The following CELF2 variants were observed in gnomAD, a reference collection of about 807,000 sequenced individuals.
CELF2 encodes the protein CUG triplet repeat RNA-binding protein 2.
In CELF2, 8 loss-of-function variants were observed where a neutral mutation model predicts 62.6. That is an observed-to-expected ratio of 0.13 (90% CI 0.07 to 0.23). The LOEUF is 0.23. Ranked by LOEUF, CELF2 falls within the 10% of genes least tolerant of loss-of-function variation. The pLI is 1.00. For synonymous variants in CELF2, 258 were observed against 250.0 expected, an observed-to-expected ratio of 1.03 and a Z score of -0.30; for missense variants, 333 against 671.0, an observed-to-expected ratio of 0.50 and a Z score of 5.56.
the CELF2 span, among the ~76,000 whole-genome samples, chr10:10,676,875 C>T: frequency 6.6e-6 from 1 of 152,170 alleles, no homozygotes. Context: ...ACAGACAGTA[C>T]TTTTAGACTC....
the CELF2 span, among the ~76,000 whole-genome samples, chr10:10,742,802 C>T: frequency 2.4e-4 from 36 of 152,108 alleles, no homozygotes; most frequent in Non-Finnish European, 4.1e-4. Context: ...CTAGTTAGGA[C>T]CTTGTACCTC....
chr10:11,329,164 CAA>C lies in CELF2; in HGVS notation c.*112_*113del, dbSNP rs995312526. 3.5e-6 allele frequency: 4 copies of C among 1,158,492 alleles called. No homozygotes were observed. In the African/African-American group the frequency reaches 4.7e-5, roughly 14 times the overall value. The allele number at this position is 1,158,492 out of a possible 1,614,324, so 71.8% of individuals were successfully genotyped here. A position where few individuals can be genotyped will look rare whatever the true frequency, so the allele number is the denominator to read the frequency against. ...GGAGGACCACATTGCCAACTTTTACCAAGAGAGACGGTTATTTTTACAATAAG... is the reference window on the plus strand; with the variant it reads ...GGAGGACCACATTGCCAACTTTTACCGAGAGACGGTTATTTTTACAATAAG... On this transcript the variant is annotated 3_prime_UTR_variant, in exon 13 of 13. Coordinates refer to ENST00000633077, the MANE Select transcript of CELF2 (RefSeq NM_001326342.2). The surrounding 1 kb of genome is among the most constrained non-coding windows in gnomAD (Gnocchi z 5.5).
intron 2 of CELF2, among the ~76,000 whole-genome samples, chr10:10,996,432 T>C (rs2053959730): frequency 1.3e-5 from 2 of 152,246 alleles, no homozygotes; most frequent in South Asian, 4.1e-4. Context: ...GGTCTTCCTC[T>C]GTCCCCGCCT....
the CELF2 span, among the ~76,000 whole-genome samples, chr10:10,538,716 G>A: frequency 1.3e-5 from 2 of 152,134 alleles, no homozygotes; most frequent in African/African-American, 4.8e-5. Flanking sequence ...GAACCATTAT[G>A]AGCATGGAGA....
At chr10:11,299,965 G>C (rs534816209) in intron 9 of CELF2, among the ~76,000 whole-genome samples, 2 of 152,150 alleles carry the variant, frequency 1.3e-5, no homozygotes, top group African/African-American at 4.8e-5. Context: ...CATTTGCCCC[G>C]CTCGTAGGAG....
chr10:10,536,704 G>A, the CELF2 span, among the ~76,000 whole-genome samples: 1 of 152,298 alleles, frequency 6.6e-6, no homozygotes, highest in East Asian at 1.9e-4. Context: ...TGCCGACAGG[G>A]ACAGAAAAAC....
intron 1 of CELF2, among the ~76,000 whole-genome samples, chr10:11,061,667 T>G (rs1450555824): frequency 6.6e-6 from 1 of 152,212 alleles, no homozygotes; most frequent in Non-Finnish European, 1.5e-5. Flanking sequence ...CTGGTGACTT[T>G]CAGTTAAGCC....
the CELF2 span, among the ~76,000 whole-genome samples, chr10:10,531,439 A>T: frequency 2.0e-5 from 3 of 152,238 alleles, no homozygotes; most frequent in Non-Finnish European, 4.4e-5. Context: ...ATTTTATTAA[A>T]TCGTTCATAG....
chr10:10,657,075 A>T, the CELF2 span, among the ~76,000 whole-genome samples: 1 of 152,178 alleles, frequency 6.6e-6, no homozygotes, highest in African/African-American at 2.4e-5. Flanking sequence ...ATGGCAGAAT[A>T]TTATTCAGCA....
At chr10:10,550,598 T>A in the CELF2 span, among the ~76,000 whole-genome samples, 1 of 152,174 alleles carries the variant, frequency 6.6e-6, no homozygotes, top group Non-Finnish European at 1.5e-5. Context: ...TCTGATTGGA[T>A]CTTGCAATGA....
chr10:11,019,096 G>T (rs893348975), intron 1 of CELF2, among the ~76,000 whole-genome samples: 1 of 152,188 alleles, frequency 6.6e-6, no homozygotes, highest in African/African-American at 2.4e-5. Context: ...CTGAAGAAAG[G>T]AAAGTATGTC....
chr10:10,491,581 T>C, the CELF2 span, among the ~76,000 whole-genome samples: 4 of 152,212 alleles, frequency 2.6e-5, no homozygotes, highest in Non-Finnish European at 4.4e-5. Context: ...TGTTACAAAC[T>C]GTGGGTATTA....
the CELF2 span, among the ~76,000 whole-genome samples, chr10:10,465,019 A>AT: frequency 5.4e-4 from 82 of 152,200 alleles, no homozygotes; most frequent in African/African-American, 2.0e-3. Flanking sequence ...TTTGGGAAGG[A>AT]TTTTCACCTT....
intron 2 of CELF2, among the ~76,000 whole-genome samples, chr10:11,174,220 G>T (rs1349204789): frequency 2.6e-5 from 4 of 152,146 alleles, no homozygotes; most frequent in Non-Finnish European, 5.9e-5. Context: ...GGATTATGCT[G>T]TACAGGAATT....
the CELF2 span, among the ~76,000 whole-genome samples, chr10:10,752,718 GA>G: frequency 0.17 from 14,414 of 84,206 alleles, 976 homozygotes; most frequent in East Asian, 0.34. Flanking sequence ...GAAAGAAAAA[GA>G]AAAAAAAAGA....
intron 1 of CELF2, among the ~76,000 whole-genome samples, chr10:10,828,000 T>TAAAAAAAAAAAAAAAAAAAAA (rs66721705): frequency 4.9e-5 from 3 of 60,712 alleles, no homozygotes; most frequent in East Asian, 5.3e-4. Context: ...AGGCTAGTCT[T>TAAAAAAAAAAAAAAAAAAAAA]AAAAAAAAAA....
At chr10:11,174,656 T>C (rs2070339138) in intron 2 of CELF2, among the ~76,000 whole-genome samples, 1 of 152,246 alleles carries the variant, frequency 6.6e-6, no homozygotes, top group Admixed American at 6.5e-5. Flanking sequence ...ATCTGATCAT[T>C]ATAAAATATG....
intron 8 of CELF2, among the ~76,000 whole-genome samples, chr10:11,275,443 G>A (rs2085687271): frequency 6.6e-6 from 1 of 151,968 alleles, no homozygotes; most frequent in Non-Finnish European, 1.5e-5. Flanking sequence ...GATTACTGGG[G>A]GCTTTCCATC....
the CELF2 span, among the ~76,000 whole-genome samples, chr10:10,731,261 C>A: frequency 1.3e-5 from 2 of 152,050 alleles, no homozygotes; most frequent in African/African-American, 4.8e-5. Context: ...CACACACACA[C>A]ACACACACAC....
Sources: gnomAD v4.1 joint callset for allele counts (sites outside exome capture counted in the v4.1 genomes callset) on GRCh38, gnomAD v4.1.1 for gene constraint, Gnocchi (gnomAD v3.1) non-coding constraint, MANE v1.5 for transcripts, NCBI Gene and HGNC (gene_info 2026-07-23, HGNC 2026-07-21) for gene names.